SDAD1: variants seen among roughly 807,000 people sequenced by gnomAD.
The protein encoded by SDAD1 is SDA1 domain containing 1, also known as protein SDA1 homolog.
In SDAD1, 79 loss-of-function variants were observed where a neutral mutation model predicts 100.3. The ratio of observed to expected loss-of-function variants is 0.79; its 90% CI spans 0.66 to 0.95. The LOEUF is 0.95. SDAD1 is among the 40% of genes least tolerant of loss of function. The probability of loss-of-function intolerance (pLI) is 0.00; values close to 1 mark genes in which losing one functional copy is unlikely to be tolerated. For synonymous variants in SDAD1, 267 were observed against 271.4 expected (o/e 0.98, Z 0.16); for missense variants, 790 against 810.9 (o/e 0.97, Z 0.31).
chr4:75,988,647 TCGGTACAG>T (rs1206602042), intron 1 of SDAD1, among the ~76,000 whole-genome samples: 5 of 152,214 alleles, frequency 3.3e-5, no homozygotes, highest in Non-Finnish European at 7.3e-5. Flanking sequence ...AGAATTTTTA[TCGGTACAG>T]CTCAATATTA....
chr4:75,959,859 G>A (rs1044464641), intron 17 of SDAD1, among the ~76,000 whole-genome samples: 6 of 152,194 alleles, frequency 3.9e-5, no homozygotes, highest in African/African-American at 1.4e-4. Flanking sequence ...CGAAGGTCAT[G>A]AAAAGGCATT....
rs1215632235 is a variant in SDAD1 at position 75,986,272 on chromosome 4, A to G, written c.91-4235T>C. 2.6e-5 allele frequency among the ~76,000 whole-genome samples: 4 copies of G among 152,068 alleles called. No homozygotes were observed. In the East Asian group the frequency reaches 5.8e-4, roughly 22 times the overall value. On this transcript the variant is annotated intron_variant, in intron 1 of 21. Coordinates refer to ENST00000356260, the MANE Select transcript of SDAD1 (RefSeq NM_018115.4). ...TAGCTGGGACTATAGGCACAAATTCATAACTACAAACCTCAATTAAGCCCT... is the reference window on the plus strand; with the variant it reads ...TAGCTGGGACTATAGGCACAAATTCGTAACTACAAACCTCAATTAAGCCCT...
chr4:75,965,529 G>A (rs1729487700), intron 13 of SDAD1, among the ~76,000 whole-genome samples: 2 of 152,096 alleles, frequency 1.3e-5, no homozygotes, highest in Non-Finnish European at 1.5e-5. Flanking sequence ...TTGCTGGTTT[G>A]GAGCTTGTGG....
chr4:75,963,987 T>C (rs947357430), intron 14 of SDAD1, 148 bp downstream of exon 14: 3 of 560,798 alleles, frequency 5.3e-6, no homozygotes, highest in Non-Finnish European at 6.2e-6. Context: ...AATAAAAAAA[T>C]TATCAAGCCT....
intron 21 of SDAD1, among the ~76,000 whole-genome samples, chr4:75,954,426 G>T (rs1224793573): frequency 6.6e-6 from 1 of 151,208 alleles, no homozygotes; most frequent in African/African-American, 2.4e-5. Flanking sequence ...TAATCCTAGC[G>T]CTATGGGAGG....
At chr4:75,963,490 T>G (rs1729366862) in intron 14 of SDAD1, among the ~76,000 whole-genome samples, 1 of 152,222 alleles carries the variant, frequency 6.6e-6, no homozygotes, top group South Asian at 2.1e-4. Flanking sequence ...AGTATGGCCA[T>G]TTTCATGATA....
chr4:75,966,769 T>C (rs1729567404), intron 12 of SDAD1, among the ~76,000 whole-genome samples: 1 of 152,088 alleles, frequency 6.6e-6, no homozygotes, highest in East Asian at 1.9e-4. Flanking sequence ...TTGTTGTTGT[T>C]TTCTTTTCTT....
Position 75,950,604 on chromosome 4 carries a change from C to T in SDAD1, c.*146G>A. The T allele has an allele frequency of 2.0e-6, 1 of 495,056 alleles. No homozygotes were observed. The highest frequency in any genetic ancestry group is 3.7e-6 in the Non-Finnish European group (1 of 272,326). 30.7% of individuals were successfully genotyped at this position (495,056 alleles called of 1,614,324 possible). On this transcript the variant is annotated 3_prime_UTR_variant, in exon 22 of 22. Transcript: ENST00000356260. ...CCATTAGCCGTCTCCAAAATAAAAA[C>T]ACAAAATTGCTGCCACATGTTCAGC...
At position 75,990,749 on chromosome 4, in the gene SDAD1, C is replaced by G; in HGVS notation, c.90+3G>C. ...TCTAGCGTCTGCCGCGCCGCACTCC[C>G]ACCTCCTCGATGTAGGCCGGCGGGT... On this transcript the variant is annotated splice_donor_region_variant and intron_variant, in intron 1 of 21. Transcript: ENST00000356260. 1 of 1,613,952 alleles carries G rather than the reference C, an allele frequency of 6.2e-7. No homozygotes were observed. Among genetic ancestry groups the G allele is most frequent in the Admixed American group, 1.7e-5 (1 of 60,034 alleles).
intron 20 of SDAD1, among the ~76,000 whole-genome samples, chr4:75,956,396 GTTTTTTTTTTGT>G (rs949074861): frequency 1.8e-5 from 2 of 110,904 alleles, no homozygotes; most frequent in Admixed American, 1.1e-4. Context: ...CAGGTAGACT[GTTTTTTTTTTGT>G]TTTTTTTTTT....
chr4:75,974,006 T>C, intron 7 of SDAD1, 70 bp downstream of exon 7: 2 of 1,341,938 alleles, frequency 1.5e-6, no homozygotes, highest in Non-Finnish European at 2.1e-6. Context: ...TGAGTGATGC[T>C]TTCTTCTAAC....
At position 75,984,778 on chromosome 4, in the gene SDAD1, A is replaced by AACACACACACACACACACACACACAC. The variant is rs35320227; in HGVS notation, c.91-2767_91-2742dup. 1.2e-3 allele frequency among the ~76,000 whole-genome samples: 158 copies of AACACACACACACACACACACACACAC among 137,014 alleles called. 1 individual carries two copies. The highest frequency in any genetic ancestry group is 1.8e-3 in the South Asian group (7 of 3,976). 89.9% of individuals were successfully genotyped at this position (137,014 alleles called of 152,430 possible). A position where few individuals can be genotyped will look rare whatever the true frequency, so the allele number is the denominator to read the frequency against. On this transcript the variant is annotated intron_variant, in intron 1 of 21. Transcript: ENST00000356260. ...TATGTGACATACACACACACACACAAACACACACACACACACACACACACA... is the reference window on the plus strand; with the variant it reads ...TATGTGACATACACACACACACACAAACACACACACACACACACACACACACACACACACACACACACACACACACA...
intron 3 of SDAD1, among the ~76,000 whole-genome samples, chr4:75,979,422 A>G (rs1359148589): frequency 6.6e-6 from 1 of 152,128 alleles, no homozygotes; most frequent in African/African-American, 2.4e-5. Context: ...GAGCAATGCT[A>G]ACTATACAGA....
At chr4:75,973,698 T>C (rs1295647574) in intron 7 of SDAD1, among the ~76,000 whole-genome samples, 1 of 152,088 alleles carries the variant, frequency 6.6e-6, no homozygotes, top group Non-Finnish European at 1.5e-5. Flanking sequence ...AGTCAAACAT[T>C]GACCTTAAAT....
Position 75,979,103 on chromosome 4 carries a change from A to G in SDAD1, c.295-1347T>C, listed in dbSNP as rs181784153. On this transcript the variant is annotated intron_variant, in intron 3 of 21. Coordinates refer to ENST00000356260, the MANE Select transcript of SDAD1 (RefSeq NM_018115.4). Reference sequence around the variant, plus strand: ...GTAATTAAAATAATAATACTAAAAAAAAGTTTTAAAGTACATAAAAAGGTA... The same window carrying G: ...GTAATTAAAATAATAATACTAAAAAGAAGTTTTAAAGTACATAAAAAGGTA... 6.6e-5 allele frequency among the ~76,000 whole-genome samples: 10 copies of G among 152,034 alleles called. No homozygotes were observed. The East Asian group carries it at 1.9e-3, about 29-fold the overall frequency.
At chr4:75,964,091 C>G (rs774227051) in intron 14 of SDAD1, 44 bp downstream of exon 14, 8 of 1,239,044 alleles carry the variant, frequency 6.5e-6, no homozygotes, top group Non-Finnish European at 8.3e-6. Flanking sequence ...CAAATCTAGT[C>G]CATTAAACAA....
chr4:75,963,320 T>A (rs142915674), intron 14 of SDAD1, among the ~76,000 whole-genome samples: 1,683 of 152,124 alleles, frequency 0.011, 17 homozygotes, highest in Middle Eastern at 0.058. Context: ...TGAAGTCAGG[T>A]AGCGTGACTC....
intron 12 of SDAD1, 118 bp from the exon 13 acceptor site, chr4:75,965,940 A>T (rs528573589): frequency 1.3e-5 from 10 of 761,726 alleles, no homozygotes; most frequent in Admixed American, 1.3e-4. Context: ...TTCCACCTGG[A>T]ACACTCAATC....
rs1729111326 is a variant in SDAD1 at position 75,959,530 on chromosome 4, G to A, written c.1483+536C>T. Among the ~76,000 whole-genome samples, 6 of 152,212 alleles carry A rather than the reference G, an allele frequency of 3.9e-5. No homozygotes were observed. The South Asian group carries it at 1.2e-3, about 32-fold the overall frequency. On this transcript the variant is annotated intron_variant, in intron 17 of 21. Transcript: ENST00000356260. ...GAGGCAGGAGGATCGCTTGAACCTG[G>A]GAGATGGAGGTTGCAGTGAGCTGAG...
Sources: gnomAD v4.1 joint callset for allele counts (sites outside exome capture counted in the v4.1 genomes callset) on GRCh38, gnomAD v4.1.1 for gene constraint, MANE v1.5 for transcripts, NCBI Gene and HGNC (gene_info 2026-07-23, HGNC 2026-07-21) for gene names.